The following LRRC1 variants were observed in gnomAD, a reference collection of about 807,000 sequenced individuals.
LRRC1 encodes leucine rich repeat containing 1, also known as leucine-rich repeat-containing protein 1.
A neutral mutation model predicts 69.9 loss-of-function variants in LRRC1; 28 were observed. That is an observed-to-expected ratio of 0.40 (90% CI 0.30 to 0.55). LRRC1 has a LOEUF of 0.55. Among genes scored for constraint, LRRC1 ranks in the 20% least tolerant of loss-of-function variants. LRRC1 has a pLI of 0.47. For synonymous variants in LRRC1, 236 were observed against 240.2 expected (o/e 0.98, Z 0.16); for missense variants, 498 against 609.0 (o/e 0.82, Z 1.92).
intron 4 of LRRC1, among the ~76,000 whole-genome samples, chr6:53,895,214 G>A (rs577901313): frequency 7.2e-5 from 11 of 152,130 alleles, no homozygotes; most frequent in Non-Finnish European, 1.0e-4. Flanking sequence ...CACCGCGCCC[G>A]GCTGGGAGTT....
At chr6:53,850,511 A>G (rs898741459) in intron 2 of LRRC1, among the ~76,000 whole-genome samples, 1 of 152,230 alleles carries the variant, frequency 6.6e-6, no homozygotes, top group African/African-American at 2.4e-5. Context: ...GAAAATTTTA[A>G]GGTTCATCAA....
In LRRC1 at chr6:53,849,999, G is replaced by C. The variant is rs560638608; in HGVS notation, c.277+7772G>C. ...TCTGTATTCTTTTCAGTTTGAAAAA[G>C]CCTAAAACTCTGGCACTTTAAAAAA... On this transcript the variant is annotated intron_variant, in intron 2 of 13. Coordinates refer to ENST00000370888, the MANE Select transcript of LRRC1 (RefSeq NM_018214.5). Among the ~76,000 whole-genome samples, 29 of 150,666 alleles carry C rather than the reference G, an allele frequency of 1.9e-4. No homozygotes were observed. In the South Asian group the frequency reaches 6.1e-3, roughly 31 times the overall value.
At position 53,900,043 on chromosome 6, in the gene LRRC1, T is replaced by G. The variant is rs987905974; in HGVS notation, c.787+152T>G. 9.1e-5 allele frequency: 57 copies of G among 623,890 alleles called. 1 individual carries two copies. The East Asian group carries it at 9.3e-4, about 10-fold the overall frequency. The allele number at this position is 623,890 out of a possible 1,614,324, so 38.6% of individuals were successfully genotyped here. A position where few individuals can be genotyped will look rare whatever the true frequency, so the allele number is the denominator to read the frequency against. On this transcript the variant is annotated intron_variant, in intron 8 of 13. Coordinates refer to ENST00000370888, the MANE Select transcript of LRRC1 (RefSeq NM_018214.5). ...CTGTTTTTTTTTTTTTTTTTTTTTTTTTTTTTTTTTCTGAGATGGAGTCTC... is the reference window on the plus strand; with the variant it reads ...CTGTTTTTTTTTTTTTTTTTTTTTTGTTTTTTTTTTCTGAGATGGAGTCTC...
At chr6:53,839,808 G>T (rs768426231) in intron 1 of LRRC1, among the ~76,000 whole-genome samples, 13 of 151,842 alleles carry the variant, frequency 8.6e-5, no homozygotes, top group Non-Finnish European at 1.9e-4. Flanking sequence ...ATTTTCCCTG[G>T]AATTAATAAC....
At chr6:53,872,909 G>A (rs1328841642) in intron 2 of LRRC1, among the ~76,000 whole-genome samples, 1 of 151,380 alleles carries the variant, frequency 6.6e-6, no homozygotes, top group Non-Finnish European at 1.5e-5. Flanking sequence ...GGCATGCACC[G>A]CTGCACCTGG....
At chr6:53,846,324 A>T (rs996809738) in intron 2 of LRRC1, among the ~76,000 whole-genome samples, 2 of 152,026 alleles carry the variant, frequency 1.3e-5, no homozygotes, top group East Asian at 1.9e-4. Context: ...GGATTTATTT[A>T]TTTTTTTTCT....
At chr6:53,911,284 C>T (rs1018065544) in intron 10 of LRRC1, among the ~76,000 whole-genome samples, 1 of 152,188 alleles carries the variant, frequency 6.6e-6, no homozygotes, top group African/African-American at 2.4e-5. Context: ...TTGTCCAGAA[C>T]ATTTATTTAG....
chr6:53,922,954 C>T lies in LRRC1; in HGVS notation c.*161C>T, dbSNP rs1262695864. On this transcript the variant is annotated 3_prime_UTR_variant, in exon 14 of 14. Transcript: ENST00000370888. ...GCTGTCTCCCAGGAAGTGCCTTACT[C>T]ATCCCGCAACCAGTCAGCGCACCAG... 7 of 614,178 alleles carry T rather than the reference C, an allele frequency of 1.1e-5. No individual in the cohort carries two copies. The highest frequency in any genetic ancestry group is 1.8e-5 in the African/African-American group (1 of 54,942). The allele number at this position is 614,178 out of a possible 1,614,324, so 38.0% of individuals were successfully genotyped here.
At chr6:53,868,479 G>A (rs1355088929) in intron 2 of LRRC1, among the ~76,000 whole-genome samples, 1 of 152,092 alleles carries the variant, frequency 6.6e-6, no homozygotes, top group Non-Finnish European at 1.5e-5. Context: ...GCCTGCCTTG[G>A]CATCCCAAAG....
At chr6:53,805,678 T>G (rs1764617048) in intron 1 of LRRC1, among the ~76,000 whole-genome samples, 1 of 152,222 alleles carries the variant, frequency 6.6e-6, no homozygotes, top group Admixed American at 6.5e-5. Context: ...GTTACATGTG[T>G]TACTCTGTAG....
chr6:53,915,182 GTGTT>G (rs1165165057), intron 11 of LRRC1, among the ~76,000 whole-genome samples: 1 of 152,174 alleles, frequency 6.6e-6, no homozygotes, highest in Admixed American at 6.5e-5. Flanking sequence ...AGTCTAAAGA[GTGTT>G]TGGGAGGCTG....
In LRRC1 at chr6:53,920,688, A is replaced by G; in HGVS notation, c.1343A>G (p.Asn448Ser). The change falls in exon 13 of 14, where the codon AAC (asparagine) becomes AGC (serine). Residue 448 changes from asparagine (N) to serine (S), a missense_variant. Asn to Ser is a conservative substitution (Grantham distance 46, BLOSUM62 1). Coordinates refer to ENST00000370888, the MANE Select transcript of LRRC1 (RefSeq NM_018214.5). ...AATGATGTCTCTGATGAAGCCTGGA[A>G]CGAGCGTGCTGTCAACAGAGTCAGT... is the stretch of plus-strand genomic sequence containing the variant. ...LVNDVSDEAW[N>S]ERAVNRVSAI... The G allele has an allele frequency of 1.9e-6, 3 of 1,614,166 alleles. No homozygotes were observed. Among genetic ancestry groups the G allele is most frequent in the Non-Finnish European group, 2.5e-6 (3 of 1,180,004 alleles).
chr6:53,894,293 C>T (rs1307572397), intron 4 of LRRC1, among the ~76,000 whole-genome samples: 1 of 152,188 alleles, frequency 6.6e-6, no homozygotes, highest in African/African-American at 2.4e-5. Flanking sequence ...AGATGGCTCA[C>T]AGAAGGCGCC....
chr6:53,909,982 A>C (rs2127440430), intron 10 of LRRC1, among the ~76,000 whole-genome samples: 1 of 152,286 alleles, frequency 6.6e-6, no homozygotes, highest in African/African-American at 2.4e-5. Context: ...TGAATCACTG[A>C]ATCTGTCTCA....
chr6:53,873,289 C>CTTT (rs57201410), intron 2 of LRRC1, among the ~76,000 whole-genome samples: 1 of 136,808 alleles, frequency 7.3e-6, no homozygotes, highest in Non-Finnish European at 1.6e-5. Context: ...ACCGATTTTT[C>CTTT]TTTTTTTTTT....
At position 53,848,452 on chromosome 6, in the gene LRRC1, G is replaced by C. The variant is rs117007787; in HGVS notation, c.277+6225G>C. ...AGCATTGTTTAAACATGAAGATATGGTTTCCATTTCAAACGCTGAAAACGT... is the reference window on the plus strand; with the variant it reads ...AGCATTGTTTAAACATGAAGATATGCTTTCCATTTCAAACGCTGAAAACGT... On this transcript the variant is annotated intron_variant, in intron 2 of 13. Transcript: ENST00000370888. Among the ~76,000 whole-genome samples the C allele has an allele frequency of 2.0e-3, 300 of 152,270 alleles. 4 individuals carry two copies. The East Asian group carries it at 0.041, about 21-fold the overall frequency.
At chr6:53,845,746 C>T (rs1194197360) in intron 2 of LRRC1, among the ~76,000 whole-genome samples, 2 of 152,218 alleles carry the variant, frequency 1.3e-5, no homozygotes, top group Non-Finnish European at 2.9e-5. Flanking sequence ...AATGAAGATT[C>T]TGTTGCAGTA....
Position 53,795,419 on chromosome 6 carries a change from A to G in LRRC1, c.159+4A>G, listed in dbSNP as rs1764264185. 6.2e-7 allele frequency: 1 copy of G among 1,609,590 alleles called. No individual in the cohort carries two copies. Among genetic ancestry groups the G allele is most frequent in the Non-Finnish European group, 8.5e-7 (1 of 1,179,218 alleles). On this transcript the variant is annotated splice_donor_region_variant and intron_variant, in intron 1 of 13. Coordinates refer to ENST00000370888, the MANE Select transcript of LRRC1 (RefSeq NM_018214.5). The stretch of plus-strand genomic sequence containing the variant: ...CCAGCTCCGCGAGCTGCCCGAGGTA[A>G]GGGTCCGGCCTCACCTGAGCGCTCT...
intron 2 of LRRC1, among the ~76,000 whole-genome samples, chr6:53,848,909 C>T (rs770754112): frequency 1.3e-5 from 2 of 152,060 alleles, no homozygotes; most frequent in Non-Finnish European, 2.9e-5. Flanking sequence ...AGGCGTGTGC[C>T]ACCAAGCCCG....
Sources: allele counts gnomAD v4.1 joint callset (sites outside exome capture counted in the v4.1 genomes callset), GRCh38; gene constraint gnomAD v4.1.1; transcripts MANE v1.5; gene names NCBI Gene and HGNC (gene_info 2026-07-23, HGNC 2026-07-21).